RASSF2: variants seen among roughly 807,000 people sequenced by gnomAD.
The protein encoded by RASSF2 is ras association domain-containing protein 2.
In RASSF2, 34 loss-of-function variants were observed where a neutral mutation model predicts 46.3. The ratio of observed to expected loss-of-function variants is 0.73; its 90% CI spans 0.56 to 0.98. The LOEUF (loss-of-function observed/expected upper bound fraction) is 0.98, where lower values mean the gene tolerates loss of function less well. RASSF2 is among the 50% of genes least tolerant of loss of function. The pLI is 0.00. For missense variants in RASSF2, 364 were observed against 431.2 expected, an observed-to-expected ratio of 0.84 and a Z score of 1.38; for synonymous variants, 158 against 162.5, an observed-to-expected ratio of 0.97 and a Z score of 0.21.
At chr20:4,789,535 T>G in intron 8 of RASSF2, 61 bp downstream of exon 8, 2 of 1,425,866 alleles carry the variant, frequency 1.4e-6, no homozygotes, top group Non-Finnish European at 2.0e-6. Context: ...GCACAACCAC[T>G]CTAGGAGTCC....
At chr20:4,786,078 T>C (rs1350817870) in intron 11 of RASSF2, among the ~76,000 whole-genome samples, 153 bp downstream of exon 11, 2 of 152,076 alleles carry the variant, frequency 1.3e-5, no homozygotes, top group Non-Finnish European at 2.9e-5. Context: ...CGTCCTCACT[T>C]GAAATCCAGG....
At chr20:4,809,591 C>G (rs1214861638) in intron 2 of RASSF2, among the ~76,000 whole-genome samples, 1 of 152,182 alleles carries the variant, frequency 6.6e-6, no homozygotes, top group African/African-American at 2.4e-5. Context: ...CTCCTGCACC[C>G]GGGTTATCAT....
rs1925077276 is a variant in RASSF2 at position 4,784,197 on chromosome 20, G to GA, written c.*75dup. ...TTGTGTCTAAATGTTTCCATGGAAA[G>GA]AAAGTGCCTAGCTTCCTGGGGGTCT... On this transcript the variant is annotated 3_prime_UTR_variant, in exon 12 of 12. Transcript: ENST00000379400. 1 of 1,435,090 alleles carries GA rather than the reference G, an allele frequency of 7.0e-7. No individual in the cohort carries two copies. Among genetic ancestry groups the GA allele is most frequent in the Non-Finnish European group, 9.8e-7 (1 of 1,017,948 alleles). The allele number at this position is 1,435,090 out of a possible 1,614,324, so 88.9% of individuals were successfully genotyped here.
rs11454727 is a variant in RASSF2 at position 4,785,155 on chromosome 20, C to CAAA, written c.912-816_912-814dup. On this transcript the variant is annotated intron_variant, in intron 11 of 11. Coordinates refer to ENST00000379400, the MANE Select transcript of RASSF2 (RefSeq NM_014737.3). ...CAAAACCCCGTCTCTACTAAAAATA[C>CAAA]AAAAAAAAAAAAAAAAAAAGAAAGA... Among the ~76,000 whole-genome samples, 895 of 92,522 alleles carry CAAA rather than the reference C, an allele frequency of 9.7e-3. 11 individuals carry two copies. The highest frequency in any genetic ancestry group is 0.034 in the African/African-American group (814 of 24,240). The allele number at this position is 92,522 out of a possible 152,430, so 60.7% of individuals were successfully genotyped here.
Position 4,781,803 on chromosome 20 carries a change from G to A in RASSF2, c.*2470C>T, listed in dbSNP as rs1025253082. 5.3e-5 allele frequency: 8 copies of A among 152,158 alleles called. No individual in the cohort carries two copies. Among genetic ancestry groups the A allele is most frequent in the African/African-American group, 1.7e-4 (7 of 41,438 alleles). The allele number at this position is 152,158 out of a possible 1,614,324, so 9.4% of individuals were successfully genotyped here. A position where few individuals can be genotyped will look rare whatever the true frequency, so the allele number is the denominator to read the frequency against. ...TTACACAATTTCAGGTTCATTGCAC[G>A]CAATTACATAAACTCCCACAAATCG... On this transcript the variant is annotated 3_prime_UTR_variant, in exon 12 of 12. Coordinates refer to ENST00000379400, the MANE Select transcript of RASSF2 (RefSeq NM_014737.3).
At chr20:4,788,402 A>G in intron 8 of RASSF2, 134 bp from the exon 9 acceptor site, 1 of 763,768 alleles carries the variant, frequency 1.3e-6, no homozygotes, top group South Asian at 1.5e-5. Context: ...TTTATCTACA[A>G]CTCTCAGAAG....
rs1185421263 is a variant in RASSF2 at position 4,790,354 on chromosome 20, C to T, written c.537+97G>A. 1 of 1,296,628 alleles carries T rather than the reference C, an allele frequency of 7.7e-7. No homozygotes were observed. The highest frequency in any genetic ancestry group is 1.0e-6 in the Non-Finnish European group (1 of 996,684). 80.3% of individuals were successfully genotyped at this position (1,296,628 alleles called of 1,614,324 possible). ...TAAACAGCAGCAAACACTTGGCTTCCCAGGCATCCACACCACCCACCATAT... is the reference window on the plus strand; with the variant it reads ...TAAACAGCAGCAAACACTTGGCTTCTCAGGCATCCACACCACCCACCATAT... On this transcript the variant is annotated intron_variant, in intron 7 of 11. Transcript: ENST00000379400. The surrounding 1 kb of genome is among the most constrained non-coding windows in gnomAD (Gnocchi z 4.3).
chr20:4,813,289 G>A lies in RASSF2; in HGVS notation c.-33+9040C>T, dbSNP rs555630916. Reference sequence around the variant, plus strand: ...ACTGAAACACAGCAAGGGCCATGCTGGGGTTTCTTCAAGCATGTCAGCCTA... The same window carrying A: ...ACTGAAACACAGCAAGGGCCATGCTAGGGTTTCTTCAAGCATGTCAGCCTA... On this transcript the variant is annotated intron_variant, in intron 2 of 11. Coordinates refer to ENST00000379400, the MANE Select transcript of RASSF2 (RefSeq NM_014737.3). Among the ~76,000 whole-genome samples the A allele has an allele frequency of 1.4e-4, 21 of 152,254 alleles. No homozygotes were observed. The South Asian group carries it at 2.7e-3, about 20-fold the overall frequency.
intron 11 of RASSF2, among the ~76,000 whole-genome samples, chr20:4,784,723 C>CCCT (rs1205296164): frequency 3.3e-5 from 5 of 151,968 alleles, no homozygotes; most frequent in African/African-American, 1.2e-4. Flanking sequence ...AGCTCATGAA[C>CCCT]CCTCACCTAG....
At position 4,781,341 on chromosome 20, in the gene RASSF2, T is replaced by C. The variant is rs1029178392; in HGVS notation, c.*2932A>G. On this transcript the variant is annotated 3_prime_UTR_variant, in exon 12 of 12. Transcript: ENST00000379400. ...GAGGGAAGAGAGGATTGTGAAAATATTTCTCCTTGAAGCATCAGCATGTCT... is the reference window on the plus strand; with the variant it reads ...GAGGGAAGAGAGGATTGTGAAAATACTTCTCCTTGAAGCATCAGCATGTCT... 1 of 152,158 alleles carries C rather than the reference T, an allele frequency of 6.6e-6. No individual in the cohort carries two copies. The highest frequency in any genetic ancestry group is 2.4e-5 in the African/African-American group (1 of 41,438). The allele number at this position is 152,158 out of a possible 1,614,324, so 9.4% of individuals were successfully genotyped here.
intron 1 of RASSF2, among the ~76,000 whole-genome samples, chr20:4,822,634 G>A (rs1231047299): frequency 6.6e-6 from 1 of 152,232 alleles, no homozygotes; most frequent in Non-Finnish European, 1.5e-5. Context: ...GGCCGCCCAC[G>A]GCACCTGCCT....
chr20:4,809,139 G>A (rs1927568621), intron 2 of RASSF2, among the ~76,000 whole-genome samples: 1 of 152,146 alleles, frequency 6.6e-6, no homozygotes, highest in Non-Finnish European at 1.5e-5. Context: ...TAAATGCCTG[G>A]GCAATGCATT....
chr20:4,800,175 C>G (rs950250226), intron 3 of RASSF2, among the ~76,000 whole-genome samples: 1 of 151,944 alleles, frequency 6.6e-6, no homozygotes, highest in Non-Finnish European at 1.5e-5. Flanking sequence ...TCTATTTTGG[C>G]TCAAGCCCAG....
chr20:4,790,301 G>C lies in RASSF2; in HGVS notation c.537+150C>G. On this transcript the variant is annotated intron_variant, in intron 7 of 11. Coordinates refer to ENST00000379400, the MANE Select transcript of RASSF2 (RefSeq NM_014737.3). This position sits in a 1 kb window ranked among gnomAD's most constrained non-coding sequence, Gnocchi z 4.3. ...CCTCAGCCCTCAGGAAGCCAGCAGG[G>C]CTTGCAGCCCACCCACAACCCAAAG... is the stretch of plus-strand genomic sequence containing the variant. 1 of 943,182 alleles carries C rather than the reference G, an allele frequency of 1.1e-6. No homozygotes were observed. The highest frequency in any genetic ancestry group is 1.7e-5 in the African/African-American group (1 of 57,694). 58.4% of individuals were successfully genotyped at this position (943,182 alleles called of 1,614,324 possible).
At chr20:4,821,635 A>G (rs1301648737) in intron 2 of RASSF2, among the ~76,000 whole-genome samples, 1 of 152,072 alleles carries the variant, frequency 6.6e-6, no homozygotes, top group Non-Finnish European at 1.5e-5. Context: ...CTGAAGGAGG[A>G]GCGGAACTCA....
At chr20:4,793,884 G>GAGTC (rs996330550) in intron 5 of RASSF2, among the ~76,000 whole-genome samples, 6 of 152,144 alleles carry the variant, frequency 3.9e-5, no homozygotes, top group African/African-American at 1.4e-4. Context: ...GTATTTTGCA[G>GAGTC]AGTCAGCCAG....
intron 8 of RASSF2, 60 bp from the exon 9 acceptor site, chr20:4,788,328 G>T: frequency 6.7e-7 from 1 of 1,486,920 alleles, no homozygotes; most frequent in Non-Finnish European, 9.4e-7. Context: ...CAACTTCGAG[G>T]CTTTTCCTCT....
chr20:4,815,165 C>G (rs555720673), intron 2 of RASSF2: 26 of 152,354 alleles, frequency 1.7e-4, no homozygotes, highest in African/African-American at 6.3e-4. Context: ...ACCTGACCCA[C>G]TCCCGTGACC....
intron 5 of RASSF2, chr20:4,792,858 G>C: frequency 1.3e-6 from 1 of 756,048 alleles, no homozygotes; most frequent in Non-Finnish European, 2.0e-6. Flanking sequence ...GAGTTCCGGA[G>C]GGAGAAGATG....
Sources: gnomAD v4.1 joint callset for allele counts (sites outside exome capture counted in the v4.1 genomes callset) on GRCh38, gnomAD v4.1.1 for gene constraint, Gnocchi (gnomAD v3.1) non-coding constraint, MANE v1.5 for transcripts, NCBI Gene and HGNC (gene_info 2026-07-23, HGNC 2026-07-21) for gene names.